WNT7A: variants seen among roughly 807,000 people sequenced by gnomAD.
WNT7A encodes the protein protein Wnt-7a.
In WNT7A, 16 loss-of-function variants were observed where a neutral mutation model predicts 28.2. The ratio of observed to expected loss-of-function variants is 0.57; its 90% CI spans 0.38 to 0.86. The LOEUF is 0.86. Among genes scored for constraint, WNT7A ranks in the 40% least tolerant of loss-of-function variants. The pLI is 0.00. For missense variants in WNT7A, 411 were observed against 489.7 expected (o/e 0.84, Z 1.52); for synonymous variants, 190 against 195.9 (o/e 0.97, Z 0.25).
chr3:13,836,876 G>A (rs1462299570), intron 3 of WNT7A, among the ~76,000 whole-genome samples: 1 of 152,220 alleles, frequency 6.6e-6, no homozygotes, highest in East Asian at 1.9e-4. Context: ...CCAAGGGAGC[G>A]GGTGTGGGTG....
intron 3 of WNT7A, among the ~76,000 whole-genome samples, chr3:13,824,049 T>C (rs749156942): frequency 6.6e-6 from 1 of 152,244 alleles, no homozygotes; most frequent in Non-Finnish European, 1.5e-5. Flanking sequence ...CCTTTACTTT[T>C]GTCCTTTTAT....
chr3:13,828,426 A>G (rs772362669), intron 3 of WNT7A, among the ~76,000 whole-genome samples: 11 of 152,222 alleles, frequency 7.2e-5, no homozygotes, highest in Non-Finnish European at 1.5e-4. Flanking sequence ...ACTGTGTTCC[A>G]GGAACTAATG....
intron 3 of WNT7A, among the ~76,000 whole-genome samples, chr3:13,829,694 A>C (rs559870445): frequency 6.0e-4 from 92 of 152,158 alleles, no homozygotes; most frequent in African/African-American, 2.0e-3. Context: ...CGGAGAGAAA[A>C]GACGGGGACA....
chr3:13,873,598 G>A (rs1158616654), intron 2 of WNT7A, among the ~76,000 whole-genome samples: 2 of 152,208 alleles, frequency 1.3e-5, no homozygotes, highest in African/African-American at 4.8e-5. Flanking sequence ...AAGGCAAGGG[G>A]AAGAAAGCGT....
intron 2 of WNT7A, among the ~76,000 whole-genome samples, chr3:13,873,217 G>T (rs965172912): frequency 6.6e-6 from 1 of 152,066 alleles, no homozygotes; most frequent in African/African-American, 2.4e-5. Context: ...CTTGGGAAGA[G>T]GGAAAAGCAG....
intron 2 of WNT7A, among the ~76,000 whole-genome samples, chr3:13,871,893 G>C (rs1695031580): frequency 6.6e-6 from 1 of 152,112 alleles, no homozygotes; most frequent in Admixed American, 6.5e-5. Context: ...CCCCTGCCCT[G>C]GCCTGAGGGA....
chr3:13,869,038 G>C (rs1021455972), intron 2 of WNT7A, among the ~76,000 whole-genome samples: 2 of 149,962 alleles, frequency 1.3e-5, no homozygotes, highest in Non-Finnish European at 3.0e-5. Flanking sequence ...AAGTGAGAGA[G>C]AGAGAAAGGG....
At chr3:13,879,302 A>G (rs112306126) in intron 1 of WNT7A, among the ~76,000 whole-genome samples, 1,852 of 152,302 alleles carry the variant, frequency 0.012, 48 homozygotes, top group African/African-American at 0.042. Context: ...GTCTCTAGGA[A>G]CGGCTGTGCC....
chr3:13,839,023 A>C lies in WNT7A; in HGVS notation c.570+15509T>G, dbSNP rs1319975237. Among the ~76,000 whole-genome samples the C allele has an allele frequency of 3.3e-5, 5 of 150,472 alleles. No homozygotes were observed. The East Asian group carries it at 9.6e-4, about 29-fold the overall frequency. On this transcript the variant is annotated intron_variant, in intron 3 of 3. Coordinates refer to ENST00000285018, the MANE Select transcript of WNT7A (RefSeq NM_004625.4). ...AAATGATATGTAATCAATATCAGAT[A>C]GATATTTGGGATATCTTAGATGAAA...
At chr3:13,846,757 C>A in intron 3 of WNT7A, among the ~76,000 whole-genome samples, 1 of 152,142 alleles carries the variant, frequency 6.6e-6, no homozygotes, top group Non-Finnish European at 1.5e-5. Flanking sequence ...AACCACACCA[C>A]CCCCAGTCCT....
At chr3:13,847,030 T>C (rs1388956596) in intron 3 of WNT7A, among the ~76,000 whole-genome samples, 1 of 152,092 alleles carries the variant, frequency 6.6e-6, no homozygotes, top group Admixed American at 6.5e-5. Flanking sequence ...GCCTCTCTTA[T>C]CTCATCCCCT....
intron 2 of WNT7A, chr3:13,863,617 AAAAGTCCTTTGTTAGCT>A (rs1350523434): frequency 6.6e-6 from 1 of 152,208 alleles, no homozygotes; most frequent in Non-Finnish European, 1.5e-5. Flanking sequence ...AAACGAGACA[AAAAGTCCTTTGTTAGCT>A]GCATTCTAAG....
chr3:13,848,671 G>T (rs568822870), intron 3 of WNT7A, among the ~76,000 whole-genome samples: 130 of 152,260 alleles, frequency 8.5e-4, no homozygotes, highest in African/African-American at 2.8e-3. Flanking sequence ...CCACAAAATG[G>T]AAAATGGTTT....
chr3:13,841,200 A>T (rs1214764362), intron 3 of WNT7A, among the ~76,000 whole-genome samples: 3 of 152,232 alleles, frequency 2.0e-5, no homozygotes, highest in African/African-American at 7.2e-5. Context: ...CTGAATGAAT[A>T]TGATTTTCCT....
At chr3:13,841,432 C>T (rs151199728) in intron 3 of WNT7A, among the ~76,000 whole-genome samples, 1 of 152,322 alleles carries the variant, frequency 6.6e-6, no homozygotes, top group Non-Finnish European at 1.5e-5. Context: ...TATCCTGGCT[C>T]TTTGCTTATC....
rs574344316 is a variant in WNT7A, at chr3:13,844,732, T to G, written c.570+9800A>C. On this transcript the variant is annotated intron_variant, in intron 3 of 3. Coordinates refer to ENST00000285018, the MANE Select transcript of WNT7A (RefSeq NM_004625.4). ...AGTGCCTTTGTCAGGCAAGGAGTCC[T>G]TCCTAGGGACACAGGTGCACCTGGA... 3.7e-3 allele frequency among the ~76,000 whole-genome samples: 566 copies of G among 152,288 alleles called. 4 individuals carry two copies. Among genetic ancestry groups the G allele is most frequent in the African/African-American group, 0.013 (534 of 41,566 alleles).
chr3:13,866,603 A>G (rs779044129), intron 2 of WNT7A, among the ~76,000 whole-genome samples: 1 of 152,202 alleles, frequency 6.6e-6, no homozygotes, highest in Non-Finnish European at 1.5e-5. Context: ...CTGACAGGTG[A>G]GTAGAGGATA....
chr3:13,853,490 G>C (rs1295395615), intron 3 of WNT7A, among the ~76,000 whole-genome samples: 3 of 152,240 alleles, frequency 2.0e-5, no homozygotes, highest in East Asian at 3.9e-4. Context: ...CTACCTCTGG[G>C]TCTGTGTCCA....
intron 2 of WNT7A, among the ~76,000 whole-genome samples, chr3:13,859,133 G>A (rs544058141): frequency 5.4e-4 from 83 of 152,322 alleles, no homozygotes; most frequent in East Asian, 2.3e-3. Flanking sequence ...TACTATCACC[G>A]AGTCCCATTT....
Sources: allele counts gnomAD v4.1 joint callset (sites outside exome capture counted in the v4.1 genomes callset), GRCh38; gene constraint gnomAD v4.1.1; transcripts MANE v1.5; gene names NCBI Gene and HGNC (gene_info 2026-07-23, HGNC 2026-07-21).